Variants in HPSE2 observed in about 807,000 individuals in gnomAD.
The protein encoded by HPSE2 is heparanase 2 (inactive).
HPSE2 carries 38 observed loss-of-function variants against 60.5 expected under a neutral mutation model. That is an observed-to-expected ratio of 0.63 (90% CI 0.48 to 0.82). The LOEUF is 0.82. Among genes scored for constraint, HPSE2 ranks in the 40% least tolerant of loss-of-function variants. HPSE2 has a pLI of 0.00. For missense variants in HPSE2, 713 were observed against 740.4 expected (o/e 0.96, Z 0.43); for synonymous variants, 295 against 293.2 (o/e 1.01, Z -0.06).
At chr10:98,592,204 A>G (rs1458216783) in intron 9 of HPSE2, among the ~76,000 whole-genome samples, 1 of 152,194 alleles carries the variant, frequency 6.6e-6, no homozygotes, top group African/African-American at 2.4e-5. Flanking sequence ...CCTTTTCTAC[A>G]CCAGGTAAAT....
chr10:99,047,510 G>T (rs2135489995), intron 3 of HPSE2: 1 of 412,196 alleles, frequency 2.4e-6, no homozygotes, highest in East Asian at 4.2e-5. Context: ...CACAGCAAAA[G>T]AAACTATTAC....
At chr10:98,655,382 C>T (rs972107347) in intron 6 of HPSE2, among the ~76,000 whole-genome samples, 52 of 152,166 alleles carry the variant, frequency 3.4e-4, no homozygotes, top group African/African-American at 1.1e-3. Context: ...TTAGTTCATA[C>T]GAATTCTCCA....
the HPSE2 span, among the ~76,000 whole-genome samples, chr10:99,283,506 C>CAA: frequency 1.6e-4 from 24 of 150,056 alleles, no homozygotes; most frequent in South Asian, 2.1e-4. Context: ...CACAAAAAAT[C>CAA]AAAAAAAAGA....
At chr10:98,999,488 T>C (rs147122303) in intron 3 of HPSE2, among the ~76,000 whole-genome samples, 1 of 152,310 alleles carries the variant, frequency 6.6e-6, no homozygotes, top group Non-Finnish European at 1.5e-5. Flanking sequence ...GTCATTCATG[T>C]GCAGACTAGA....
At chr10:99,210,927 A>G (rs1439662710) in intron 2 of HPSE2, among the ~76,000 whole-genome samples, 1 of 152,240 alleles carries the variant, frequency 6.6e-6, no homozygotes, top group Admixed American at 6.5e-5. Context: ...CAGATCAATT[A>G]GGCATAAAGA....
chr10:99,147,348 A>G (rs141344331), intron 2 of HPSE2, among the ~76,000 whole-genome samples: 23 of 152,350 alleles, frequency 1.5e-4, no homozygotes, highest in African/African-American at 5.3e-4. Flanking sequence ...TGGAAAAGAA[A>G]TATGAATGCT....
intron 7 of HPSE2, among the ~76,000 whole-genome samples, chr10:98,641,296 C>T (rs1245237813): frequency 6.6e-6 from 1 of 152,084 alleles, no homozygotes; most frequent in East Asian, 1.9e-4. Context: ...TTAAAATAGA[C>T]ATGCTTTAGG....
At chr10:99,117,873 AG>A (rs2135701642) in intron 3 of HPSE2, among the ~76,000 whole-genome samples, 1 of 152,338 alleles carries the variant, frequency 6.6e-6, no homozygotes, top group East Asian at 1.9e-4. Context: ...CTAGGAGGCC[AG>A]GATCATCCTG....
chr10:98,550,417 C>T (rs1009784403), intron 9 of HPSE2, among the ~76,000 whole-genome samples: 2 of 152,130 alleles, frequency 1.3e-5, no homozygotes, highest in African/African-American at 4.8e-5. Flanking sequence ...CTTCAGCCTC[C>T]CAAGTAGCTG....
At chr10:98,725,181 G>C (rs1024249406) in intron 4 of HPSE2, among the ~76,000 whole-genome samples, 8 of 152,280 alleles carry the variant, frequency 5.3e-5, no homozygotes, top group African/African-American at 1.9e-4. Flanking sequence ...ACATTGCCAA[G>C]TCAATCCTAA....
chr10:98,980,131 G>A (rs556825232), intron 3 of HPSE2, among the ~76,000 whole-genome samples: 8 of 152,162 alleles, frequency 5.3e-5, no homozygotes, highest in Non-Finnish European at 1.0e-4. Context: ...GCTAAAACCC[G>A]AACTTTGCTA....
At chr10:98,580,824 T>TTGTATATATATATATA (rs1554945259) in intron 9 of HPSE2, among the ~76,000 whole-genome samples, 1 of 128,560 alleles carries the variant, frequency 7.8e-6, no homozygotes, top group East Asian at 2.3e-4. Context: ...GTGCTTGGTT[T>TTGTATATATATATATA]TATATATATA....
intron 3 of HPSE2, among the ~76,000 whole-genome samples, chr10:99,120,025 T>C (rs532026129): frequency 2.0e-5 from 3 of 152,240 alleles, no homozygotes; most frequent in South Asian, 2.1e-4. Context: ...ATCCTGGACA[T>C]AGGAACAGGC....
intron 6 of HPSE2, among the ~76,000 whole-genome samples, chr10:98,690,871 T>C (rs1444768371): frequency 2.0e-5 from 3 of 152,198 alleles, no homozygotes; most frequent in Non-Finnish European, 4.4e-5. Context: ...CCCAAGAATA[T>C]GCTTCCAAAT....
At position 98,567,846 on chromosome 10, in the gene HPSE2, C is replaced by G. The variant is rs1678226957; in HGVS notation, c.1320+47058G>C. On this transcript the variant is annotated intron_variant, in intron 9 of 11. Transcript: ENST00000370552. ...CAGTAATAAATCAGGGGTTACAAAACCACCACTAGCTACCTCCTGCAGGCC... is the reference window on the plus strand; with the variant it reads ...CAGTAATAAATCAGGGGTTACAAAAGCACCACTAGCTACCTCCTGCAGGCC... Among the ~76,000 whole-genome samples the G allele has an allele frequency of 2.0e-5, 3 of 152,076 alleles. No individual in the cohort carries two copies. The South Asian group carries it at 6.2e-4, about 32-fold the overall frequency.
intron 3 of HPSE2, among the ~76,000 whole-genome samples, chr10:98,960,987 C>T (rs1430574244): frequency 1.3e-5 from 1 of 79,662 alleles, no homozygotes; most frequent in Non-Finnish European, 2.3e-5. Context: ...TGAGAATATG[C>T]GGTGTTTGGT....
chr10:99,060,042 C>G (rs767626073), intron 3 of HPSE2, among the ~76,000 whole-genome samples: 5 of 151,442 alleles, frequency 3.3e-5, no homozygotes, highest in Non-Finnish European at 5.9e-5. Context: ...TACAACATCT[C>G]CCCACACACA....
At chr10:98,936,077 A>C (rs1163372583) in intron 3 of HPSE2, among the ~76,000 whole-genome samples, 1 of 143,242 alleles carries the variant, frequency 7.0e-6, no homozygotes, top group Non-Finnish European at 1.5e-5. Context: ...CCCAGTCCAA[A>C]CCTCCCAGTC....
chr10:99,302,143 C>T, the HPSE2 span, among the ~76,000 whole-genome samples: 1 of 151,924 alleles, frequency 6.6e-6, no homozygotes, highest in Admixed American at 6.6e-5. Context: ...GTCACTAAGG[C>T]AAAAACATTG....
Sources: gnomAD v4.1 joint callset for allele counts (sites outside exome capture counted in the v4.1 genomes callset) on GRCh38, gnomAD v4.1.1 for gene constraint, MANE v1.5 for transcripts, NCBI Gene and HGNC (gene_info 2026-07-23, HGNC 2026-07-21) for gene names.